Variants in CDH23 observed in about 807,000 individuals in gnomAD.
CDH23 encodes cadherin related 23.
In CDH23, 189 loss-of-function variants were observed where a neutral mutation model predicts 317.1. That is an observed-to-expected ratio of 0.60 (90% CI 0.53 to 0.67). The LOEUF is 0.67. Among genes scored for constraint, CDH23 ranks in the 30% least tolerant of loss-of-function variants. The pLI is 0.00. For synonymous variants in CDH23, 1,839 were observed against 1,876.8 expected (o/e 0.98, Z 0.52); for missense variants, 4,401 against 4,592.4 (o/e 0.96, Z 1.20).
chr10:71,509,881 C>G, intron 3 of CDH23: 1 of 599,458 alleles, frequency 1.7e-6, no homozygotes, highest in Admixed American at 2.7e-5. Context: ...TCATGACACA[C>G]TGTGACAAGT....
Position 71,695,151 on chromosome 10 carries a change from C to T in CDH23, c.2290-267C>T, listed in dbSNP as rs3752753. ...AGACTGGAGGCAGGGATGGGGGAAG[C>T]CCCAGGTCACAGCAAGGATTTCAGG... On this transcript the variant is annotated intron_variant, in intron 21 of 69. Coordinates refer to ENST00000224721, the MANE Select transcript of CDH23 (RefSeq NM_022124.6). Among the ~76,000 whole-genome samples the T allele has an allele frequency of 0.62, 93,547 of 151,866 alleles. 29,127 individuals carry two copies. Among genetic ancestry groups the T allele is most frequent in the Non-Finnish European group, 0.67 (45,784 of 67,920 alleles).
chr10:71,550,579 A>AAAAAAAAAG (rs1564647432), intron 6 of CDH23, among the ~76,000 whole-genome samples: 25 of 121,208 alleles, frequency 2.1e-4, no homozygotes, highest in African/African-American at 3.1e-4. Flanking sequence ...AAAAAAAAAG[A>AAAAAAAAAG]AAAAAGAAAA....
chr10:71,716,271 G>A, intron 28 of CDH23: 4 of 1,537,452 alleles, frequency 2.6e-6, no homozygotes, highest in Non-Finnish European at 3.5e-6. Flanking sequence ...GGAGTGACGG[G>A]AGCTGAGAGA....
At position 71,784,535 on chromosome 10, in the gene CDH23, C is replaced by T. The variant is rs1160102294; in HGVS notation, c.5502+115C>T. The T allele has an allele frequency of 2.2e-6, 3 of 1,368,908 alleles. No individual in the cohort carries two copies. In the African/African-American group the frequency reaches 4.3e-5, roughly 20 times the overall value. 84.8% of individuals were successfully genotyped at this position (1,368,908 alleles called of 1,614,324 possible). On this transcript the variant is annotated intron_variant, in intron 42 of 69. Coordinates refer to ENST00000224721, the MANE Select transcript of CDH23 (RefSeq NM_022124.6). Reference sequence around the variant, plus strand: ...AGAGAGGCCACAGGCTGCCCTGGAGCCAGGCCAGGCCTGCCCCTGGGGCCC... The same window carrying T: ...AGAGAGGCCACAGGCTGCCCTGGAGTCAGGCCAGGCCTGCCCCTGGGGCCC...
At chr10:71,506,504 A>G (rs1204700068) in intron 3 of CDH23, among the ~76,000 whole-genome samples, 3 of 152,224 alleles carry the variant, frequency 2.0e-5, no homozygotes, top group African/African-American at 7.2e-5. Flanking sequence ...TGTGTACCCC[A>G]GGGTCCCCCA....
intron 6 of CDH23, among the ~76,000 whole-genome samples, chr10:71,521,769 TCTC>T (rs1854700646): frequency 1.3e-5 from 2 of 152,168 alleles, no homozygotes; most frequent in African/African-American, 4.8e-5. Context: ...CTTAGTCCTC[TCTC>T]CTCTGGATTT....
chr10:71,428,453 ATGTG>A (rs142212600), intron 1 of CDH23, among the ~76,000 whole-genome samples: 1 of 151,308 alleles, frequency 6.6e-6, no homozygotes, highest in South Asian at 2.1e-4. Context: ...CACTTGTTTT[ATGTG>A]TGTGTGTGTG....
intron 14 of CDH23, among the ~76,000 whole-genome samples, chr10:71,653,737 C>T (rs1411359186): frequency 1.3e-5 from 2 of 152,144 alleles, no homozygotes; most frequent in African/African-American, 4.8e-5. Context: ...TGCCTGCTGT[C>T]TCTATGGCCC....
At chr10:71,759,623 A>G (rs1415869818) in intron 38 of CDH23, among the ~76,000 whole-genome samples, 4 of 151,914 alleles carry the variant, frequency 2.6e-5, no homozygotes, top group Non-Finnish European at 5.9e-5. Flanking sequence ...CCTGGCCAAC[A>G]TGGTGAAACC....
intron 32 of CDH23, among the ~76,000 whole-genome samples, chr10:71,733,026 G>C (rs1317702739): frequency 6.6e-6 from 1 of 152,154 alleles, no homozygotes; most frequent in African/African-American, 2.4e-5. Context: ...CTCCACTTCA[G>C]CTGCCAATCA....
intron 1 of CDH23, among the ~76,000 whole-genome samples, chr10:71,421,201 C>T (rs1032045033): frequency 6.6e-6 from 1 of 152,212 alleles, no homozygotes; most frequent in Non-Finnish European, 1.5e-5. Flanking sequence ...CCAGAGTGGG[C>T]CTTGGGTAAT....
intron 11 of CDH23, among the ~76,000 whole-genome samples, chr10:71,641,885 C>A (rs890207714): frequency 6.6e-6 from 1 of 152,226 alleles, no homozygotes; most frequent in South Asian, 2.1e-4. Flanking sequence ...TTGAGACCAG[C>A]CTGGCCAACA....
chr10:71,766,526 A>T (rs2132900874), intron 38 of CDH23, among the ~76,000 whole-genome samples: 1 of 152,328 alleles, frequency 6.6e-6, no homozygotes, highest in Non-Finnish European at 1.5e-5. Context: ...GCCCTTGGGC[A>T]GATCCCACCC....
intron 9 of CDH23, among the ~76,000 whole-genome samples, chr10:71,586,108 C>T (rs1000449430): frequency 2.6e-5 from 4 of 152,140 alleles, no homozygotes; most frequent in Non-Finnish European, 4.4e-5. Flanking sequence ...ATGGACTGCA[C>T]GGGCTCTTTT....
chr10:71,642,161 G>A (rs997395316), intron 11 of CDH23, among the ~76,000 whole-genome samples: 11 of 151,726 alleles, frequency 7.2e-5, no homozygotes, highest in African/African-American at 2.7e-4. Flanking sequence ...CCCTTCTTGG[G>A]GCAACCTCCT....
chr10:71,634,916 C>T (rs1169674268), intron 11 of CDH23, among the ~76,000 whole-genome samples: 1 of 152,356 alleles, frequency 6.6e-6, no homozygotes. Context: ...TCTAAGCCCA[C>T]TTTGTTTCAG....
intron 25 of CDH23, among the ~76,000 whole-genome samples, chr10:71,706,504 T>C (rs1486769130): frequency 6.6e-6 from 1 of 152,210 alleles, no homozygotes; most frequent in Non-Finnish European, 1.5e-5. Flanking sequence ...TGGGAAGCAC[T>C]CAGCATGGGC....
chr10:71,570,963 G>C, intron 8 of CDH23, 45 bp downstream of exon 8: 1 of 1,606,734 alleles, frequency 6.2e-7, no homozygotes, highest in Non-Finnish European at 8.5e-7. Flanking sequence ...TTCTCAGAGG[G>C]ACTTCCTTCT....
At chr10:71,668,646 T>C (rs1169299648) in intron 14 of CDH23, among the ~76,000 whole-genome samples, 1 of 152,212 alleles carries the variant, frequency 6.6e-6, no homozygotes, top group Non-Finnish European at 1.5e-5. Flanking sequence ...GTGCAGGAAA[T>C]GCTTGGTAAA....
Sources: allele counts gnomAD v4.1 joint callset (sites outside exome capture counted in the v4.1 genomes callset), GRCh38; gene constraint gnomAD v4.1.1; transcripts MANE v1.5; gene names NCBI Gene and HGNC (gene_info 2026-07-23, HGNC 2026-07-21).